MSH4: variants seen among roughly 807,000 people sequenced by gnomAD.
The protein encoded by MSH4 is mutS homolog 4.
MSH4 carries 106 observed loss-of-function variants against 113.7 expected under a neutral mutation model. The ratio of observed to expected loss-of-function variants is 0.93; its 90% CI spans 0.80 to 1.10. The LOEUF (loss-of-function observed/expected upper bound fraction) is 1.10, where lower values mean the gene tolerates loss of function less well. Ranked by LOEUF, MSH4 falls within the 50% of genes least tolerant of loss-of-function variation. The probability of loss-of-function intolerance (pLI) is 0.00; values close to 1 mark genes in which losing one functional copy is unlikely to be tolerated. For synonymous variants in MSH4, 368 were observed against 380.2 expected (o/e 0.97, Z 0.37); for missense variants, 1,061 against 1,093.7 (o/e 0.97, Z 0.42).
At chr1:75,871,920 A>C (rs1365200500) in intron 9 of MSH4, among the ~76,000 whole-genome samples, 4 of 152,210 alleles carry the variant, frequency 2.6e-5, no homozygotes, top group African/African-American at 9.6e-5. Flanking sequence ...TGCCTTGAAA[A>C]GTTTTTTATA....
intron 7 of MSH4, among the ~76,000 whole-genome samples, chr1:75,834,464 T>C (rs554986431): frequency 1.4e-4 from 21 of 152,326 alleles, no homozygotes; most frequent in African/African-American, 4.6e-4. Context: ...CATGCTGCTA[T>C]AAAGACACAT....
intron 17 of MSH4, among the ~76,000 whole-genome samples, chr1:75,894,443 G>A (rs1233890318): frequency 6.6e-6 from 1 of 152,182 alleles, no homozygotes; most frequent in Non-Finnish European, 1.5e-5. Flanking sequence ...GACTGACCTG[G>A]CTATAGCCAT....
chr1:75,860,132 C>A (rs1651422322), intron 8 of MSH4, among the ~76,000 whole-genome samples: 2 of 151,910 alleles, frequency 1.3e-5, no homozygotes, highest in Admixed American at 1.3e-4. Context: ...CTTCCTCCAT[C>A]CCTTTATTTT....
chr1:75,872,999 C>T (rs901509152), intron 9 of MSH4, among the ~76,000 whole-genome samples: 1 of 152,216 alleles, frequency 6.6e-6, no homozygotes, highest in Non-Finnish European at 1.5e-5. Context: ...GGACAGAAAA[C>T]AACTATGCTG....
At chr1:75,907,660 A>ATCTTTCTC (rs1553140553) in intron 19 of MSH4, among the ~76,000 whole-genome samples, 1 of 92,808 alleles carries the variant, frequency 1.1e-5, no homozygotes, top group Non-Finnish European at 2.0e-5. Context: ...TCCACGGTGT[A>ATCTTTCTC]TCTCTCTCTC....
At chr1:75,852,853 C>T (rs1180669435) in intron 8 of MSH4, among the ~76,000 whole-genome samples, 1 of 151,812 alleles carries the variant, frequency 6.6e-6, no homozygotes, top group Non-Finnish European at 1.5e-5. Context: ...ATGTTAATCC[C>T]CGATCAAAAA....
chr1:75,901,282 G>A (rs1025809914), intron 19 of MSH4, among the ~76,000 whole-genome samples: 42 of 152,130 alleles, frequency 2.8e-4, no homozygotes, highest in Middle Eastern at 6.8e-3. Context: ...ATTTTTGTAC[G>A]CATTAACCAA....
chr1:75,864,100 A>G (rs1651515455), intron 8 of MSH4, among the ~76,000 whole-genome samples: 1 of 152,212 alleles, frequency 6.6e-6, no homozygotes. Context: ...AAAACTTTAT[A>G]TATAAAGGGA....
intron 6 of MSH4, among the ~76,000 whole-genome samples, chr1:75,821,986 T>C (rs1033795530): frequency 6.6e-6 from 1 of 152,032 alleles, no homozygotes; most frequent in African/African-American, 2.4e-5. Flanking sequence ...CAGTAAAGTT[T>C]AAGAATCATT....
chr1:75,832,691 A>C (rs751114159), intron 7 of MSH4, among the ~76,000 whole-genome samples: 1 of 152,186 alleles, frequency 6.6e-6, no homozygotes, highest in Non-Finnish European at 1.5e-5. Flanking sequence ...AAAACTCATG[A>C]TTATCTCAAT....
chr1:75,879,408 T>C (rs1292439381), intron 12 of MSH4, among the ~76,000 whole-genome samples: 1 of 152,166 alleles, frequency 6.6e-6, no homozygotes, highest in Non-Finnish European at 1.5e-5. Flanking sequence ...TAAAAGAAAT[T>C]AGGAAAATAC....
In MSH4 at chr1:75,810,705, T is replaced by C. The variant is rs2100509923; in HGVS notation, c.597T>C (p.Thr199=). The change falls in exon 4 of 20, where the codon ACT becomes ACC. Residue 199 remains threonine (T), a synonymous_variant. Transcript: ENST00000263187. The part of the protein sequence containing the change: ...ADNTTYAKVI[T]KLKILSPLEI... ...TATTCAAATGATTTCAGGTGATCAC[T>C]AAACTTAAAATTTTATCACCTTTGG... is the stretch of plus-strand genomic sequence containing the variant. The C allele has an allele frequency of 1.3e-6, 2 of 1,514,956 alleles. No homozygotes were observed. The highest frequency in any genetic ancestry group is 1.8e-6 in the Non-Finnish European group (2 of 1,120,784). 93.8% of individuals were successfully genotyped at this position (1,514,956 alleles called of 1,614,324 possible).
At chr1:75,839,981 A>G (rs1323815637) in intron 7 of MSH4, among the ~76,000 whole-genome samples, 3 of 146,656 alleles carry the variant, frequency 2.0e-5, no homozygotes, top group African/African-American at 5.0e-5. Flanking sequence ...ACCATCTCAC[A>G]CCAGTTAGAA....
chr1:75,854,011 G>GTATATATATATATATATATATATATATT (rs72458089), intron 8 of MSH4, among the ~76,000 whole-genome samples: 1 of 112,134 alleles, frequency 8.9e-6, no homozygotes, highest in South Asian at 4.0e-4. Flanking sequence ...AAGTGTGTGT[G>GTATATATATATATATATATATATATATT]TGTATATATA....
chr1:75,833,146 C>T lies in MSH4; in HGVS notation c.1162+10565C>T, dbSNP rs1375871278. On this transcript the variant is annotated intron_variant, in intron 7 of 19. Transcript: ENST00000263187. ...AGCACTCCTAAACACCAATAACAGA[C>T]ATACAGAGAGCCAACTCATGAGTGA... Among the ~76,000 whole-genome samples, 4 of 152,268 alleles carry T rather than the reference C, an allele frequency of 2.6e-5. No homozygotes were observed. The East Asian group carries it at 7.7e-4, about 29-fold the overall frequency.
chr1:75,828,395 A>G (rs2100527210), intron 7 of MSH4, among the ~76,000 whole-genome samples: 1 of 152,340 alleles, frequency 6.6e-6, no homozygotes, highest in Middle Eastern at 3.4e-3. Context: ...CAGCAAAGAC[A>G]TGGAATGAAC....
chr1:75,879,963 T>C (rs1651895292), intron 12 of MSH4, 87 bp from the exon 13 acceptor site: 2 of 684,034 alleles, frequency 2.9e-6, no homozygotes, highest in East Asian at 5.6e-5. Flanking sequence ...ATGATTAACC[T>C]AAATACCCAT....
chr1:75,820,916 A>T (rs1650394327), intron 6 of MSH4, among the ~76,000 whole-genome samples: 4 of 150,622 alleles, frequency 2.7e-5, no homozygotes, highest in Non-Finnish European at 3.0e-5. Flanking sequence ...AAGTACTTAG[A>T]GACCTACAAA....
Position 75,878,137 on chromosome 1 carries a change from C to A in MSH4, c.1371-12C>A, listed in dbSNP as rs377150197. 1.3e-6 allele frequency: 2 copies of A among 1,535,946 alleles called. No homozygotes were observed. Among genetic ancestry groups the A allele is most frequent in the African/African-American group, 2.8e-5 (2 of 71,018 alleles). ...ATTGCCTATAATGTTTTTCTTTTGG[C>A]CTTAATATTAGGTTTGGAATCATAC... On this transcript the variant is annotated splice_polypyrimidine_tract_variant and intron_variant, in intron 10 of 19. Transcript: ENST00000263187.
Sources: allele counts gnomAD v4.1 joint callset (sites outside exome capture counted in the v4.1 genomes callset), GRCh38; gene constraint gnomAD v4.1.1; transcripts MANE v1.5; gene names NCBI Gene and HGNC (gene_info 2026-07-23, HGNC 2026-07-21).